MAPKAP1: variants seen among roughly 807,000 people sequenced by gnomAD.
The protein encoded by MAPKAP1 is MAPK associated protein 1.
In MAPKAP1, 20 loss-of-function variants were observed where a neutral mutation model predicts 65.7. The observed-to-expected ratio is 0.30, with a 90% CI of 0.21 to 0.44. The LOEUF is 0.44. MAPKAP1 is among the 20% of genes least tolerant of loss of function. The pLI is 1.00. For missense variants in MAPKAP1, 423 were observed against 648.0 expected (o/e 0.65, Z 3.77); for synonymous variants, 222 against 244.3 (o/e 0.91, Z 0.85).
intron 4 of MAPKAP1, among the ~76,000 whole-genome samples, chr9:125,645,111 G>C (rs1348313345): frequency 1.3e-5 from 2 of 152,122 alleles, no homozygotes; most frequent in African/African-American, 2.4e-5. Flanking sequence ...AAAGAAAAAG[G>C]GGAGGGGAAA....
In MAPKAP1 at chr9:125,438,292, G is replaced by C. The variant is rs2132908308; in HGVS notation, c.*595C>G. Reference sequence around the variant, plus strand: ...CTTTTAGTAAGACACTACCCTCGAAGCAAATGCACTCATTTAAACAAATGG... The same window carrying C: ...CTTTTAGTAAGACACTACCCTCGAACCAAATGCACTCATTTAAACAAATGG... On this transcript the variant is annotated 3_prime_UTR_variant, in exon 12 of 12. Transcript: ENST00000265960. 2.5e-6 allele frequency: 1 copy of C among 398,518 alleles called. No homozygotes were observed. The highest frequency in any genetic ancestry group is 3.6e-5 in the East Asian group (1 of 28,062). 24.7% of individuals were successfully genotyped at this position (398,518 alleles called of 1,614,324 possible).
At chr9:125,687,091 G>A (rs1835005036) in intron 1 of MAPKAP1, among the ~76,000 whole-genome samples, 1 of 149,812 alleles carries the variant, frequency 6.7e-6, no homozygotes, top group South Asian at 2.1e-4. Flanking sequence ...CTCCCAAAGT[G>A]CTGGGATTAC....
intron 4 of MAPKAP1, among the ~76,000 whole-genome samples, chr9:125,616,310 A>G (rs912371487): frequency 1.3e-5 from 2 of 152,224 alleles, no homozygotes; most frequent in African/African-American, 4.8e-5. Context: ...GAGGGTAAAG[A>G]TTTCTTAGAA....
chr9:125,574,784 G>T (rs1831342408), intron 5 of MAPKAP1, among the ~76,000 whole-genome samples: 2 of 152,330 alleles, frequency 1.3e-5, no homozygotes, highest in South Asian at 2.1e-4. Flanking sequence ...GAGCAGAAAT[G>T]AACATTTATT....
At chr9:125,555,252 G>A (rs978936766) in intron 6 of MAPKAP1, among the ~76,000 whole-genome samples, 1 of 152,188 alleles carries the variant, frequency 6.6e-6, no homozygotes, top group Admixed American at 6.5e-5. Flanking sequence ...CCCTTTAAAA[G>A]AGTTCTGTAC....
chr9:125,440,555 TCTG>T (rs1481155032), intron 11 of MAPKAP1, among the ~76,000 whole-genome samples: 1 of 152,166 alleles, frequency 6.6e-6, no homozygotes, highest in Non-Finnish European at 1.5e-5. Context: ...GAGAGGAGCT[TCTG>T]CTGACTCCGA....
chr9:125,603,585 C>T (rs1832366720), intron 4 of MAPKAP1, among the ~76,000 whole-genome samples: 1 of 152,176 alleles, frequency 6.6e-6, no homozygotes. Context: ...TGCTCAGCCC[C>T]CTGGCAGTAT....
intron 11 of MAPKAP1, among the ~76,000 whole-genome samples, chr9:125,442,951 C>G (rs576377962): frequency 1.8e-4 from 27 of 152,188 alleles, no homozygotes; most frequent in Non-Finnish European, 3.2e-4. Flanking sequence ...AAACACAAGT[C>G]TGAAATCTGT....
intron 8 of MAPKAP1, among the ~76,000 whole-genome samples, chr9:125,502,002 AT>A (rs1828995331): frequency 6.6e-6 from 1 of 151,060 alleles, no homozygotes; most frequent in Admixed American, 6.6e-5. Context: ...ATTAATTTCT[AT>A]TCTTCTCTTT....
chr9:125,456,803 C>G (rs904647935), intron 10 of MAPKAP1, among the ~76,000 whole-genome samples: 1 of 152,094 alleles, frequency 6.6e-6, no homozygotes, highest in African/African-American at 2.4e-5. Flanking sequence ...TTGATTGCAG[C>G]CTTTTGAGAG....
intron 10 of MAPKAP1, among the ~76,000 whole-genome samples, chr9:125,450,280 CT>C (rs1473168718): frequency 1.3e-5 from 2 of 152,172 alleles, no homozygotes; most frequent in African/African-American, 2.4e-5. Context: ...AAACCTGTTT[CT>C]TTTCCTTATT....
intron 1 of MAPKAP1, among the ~76,000 whole-genome samples, chr9:125,676,927 T>G (rs1834662879): frequency 6.6e-6 from 1 of 152,246 alleles, no homozygotes; most frequent in Non-Finnish European, 1.5e-5. Flanking sequence ...ACTTTGTGTA[T>G]TATGACTCTC....
intron 4 of MAPKAP1, among the ~76,000 whole-genome samples, chr9:125,628,511 T>C (rs550881552): frequency 2.9e-4 from 44 of 152,274 alleles, no homozygotes; most frequent in African/African-American, 1.0e-3. Context: ...TTCTTTTGTA[T>C]GGATATCCAC....
chr9:125,509,207 T>C (rs1829229853), intron 7 of MAPKAP1, among the ~76,000 whole-genome samples: 1 of 152,190 alleles, frequency 6.6e-6, no homozygotes, highest in Non-Finnish European at 1.5e-5. Context: ...TTACACATTC[T>C]ATGAATGTAA....
At chr9:125,615,446 A>G (rs971921008) in intron 4 of MAPKAP1, among the ~76,000 whole-genome samples, 6 of 151,716 alleles carry the variant, frequency 4.0e-5, no homozygotes, top group Non-Finnish European at 8.8e-5. Flanking sequence ...TAATCCCAGC[A>G]CTTTGGAAGG....
In MAPKAP1 at chr9:125,595,762, C is replaced by T. The variant is rs892310072; in HGVS notation, c.499-10035G>A. ...AAACAACCAATGAGAGCAAGAGGAGCCATTGTGAGCAATGGGGAACGCTCC... is the reference window on the plus strand; with the variant it reads ...AAACAACCAATGAGAGCAAGAGGAGTCATTGTGAGCAATGGGGAACGCTCC... On this transcript the variant is annotated intron_variant, in intron 4 of 11. Transcript: ENST00000265960. The surrounding 1 kb of genome is among the most constrained non-coding windows in gnomAD (Gnocchi z 4.0). 18 of 1,305,586 alleles carry T rather than the reference C, an allele frequency of 1.4e-5. No homozygotes were observed. In the African/African-American group the frequency reaches 2.3e-4, roughly 17 times the overall value. The allele number at this position is 1,305,586 out of a possible 1,614,324, so 80.9% of individuals were successfully genotyped here. A position where few individuals can be genotyped will look rare whatever the true frequency, so the allele number is the denominator to read the frequency against.
At chr9:125,671,056 T>C (rs1042388778) in intron 2 of MAPKAP1, among the ~76,000 whole-genome samples, 3 of 152,132 alleles carry the variant, frequency 2.0e-5, no homozygotes, top group South Asian at 4.1e-4. Flanking sequence ...ATGTGAAGGG[T>C]ACAGCCAAAG....
intron 7 of MAPKAP1, among the ~76,000 whole-genome samples, chr9:125,516,800 G>A (rs1315747807): frequency 1.3e-5 from 2 of 152,206 alleles, no homozygotes; most frequent in Admixed American, 1.3e-4. Flanking sequence ...CAGATTATGT[G>A]TAACACAATG....
intron 5 of MAPKAP1, among the ~76,000 whole-genome samples, chr9:125,577,188 A>G (rs551888438): frequency 6.2e-4 from 93 of 149,694 alleles, no homozygotes; most frequent in African/African-American, 2.3e-3. Context: ...CCGGGATGTG[A>G]GGAGCGTCTC....
Sources: gnomAD v4.1 joint callset for allele counts (sites outside exome capture counted in the v4.1 genomes callset) on GRCh38, gnomAD v4.1.1 for gene constraint, Gnocchi (gnomAD v3.1) non-coding constraint, MANE v1.5 for transcripts, NCBI Gene and HGNC (gene_info 2026-07-23, HGNC 2026-07-21) for gene names.